The following TYW1 variants were observed in gnomAD, a reference collection of about 807,000 sequenced individuals.
TYW1 encodes the protein S-adenosyl-L-methionine-dependent tRNA 4-demethylwyosine synthase TYW1.
A neutral mutation model predicts 96.2 loss-of-function variants in TYW1; 46 were observed. The ratio of observed to expected loss-of-function variants is 0.48; its 90% CI spans 0.38 to 0.61. The LOEUF (loss-of-function observed/expected upper bound fraction) is 0.61. TYW1 is among the 20% of genes least tolerant of loss of function. The probability of loss-of-function intolerance (pLI) is 0.00; values close to 1 mark genes in which losing one functional copy is unlikely to be tolerated. For synonymous variants in TYW1, 274 were observed against 323.0 expected, an observed-to-expected ratio of 0.85 and a Z score of 1.63; for missense variants, 684 against 909.6, an observed-to-expected ratio of 0.75 and a Z score of 3.19.
At chr7:67,204,750 T>C (rs1008613207) in intron 15 of TYW1, among the ~76,000 whole-genome samples, 28 of 151,958 alleles carry the variant, frequency 1.8e-4, no homozygotes, top group Admixed American at 2.0e-4. Flanking sequence ...TGTACCACCA[T>C]GCCCAGCTAA....
At chr7:67,103,706 T>C (rs1797158568) in intron 12 of TYW1, among the ~76,000 whole-genome samples, 1 of 152,170 alleles carries the variant, frequency 6.6e-6, no homozygotes, top group Non-Finnish European at 1.5e-5. Flanking sequence ...TTCAGAAAAA[T>C]AAGGCTGTAG....
Position 67,161,195 on chromosome 7 carries a change from A to G in TYW1, c.1699-21931A>G, listed in dbSNP as rs574644987. 1.4e-3 allele frequency among the ~76,000 whole-genome samples: 213 copies of G among 152,306 alleles called. 1 individual carries two copies. The highest frequency in any genetic ancestry group is 4.9e-3 in the African/African-American group (202 of 41,572). On this transcript the variant is annotated intron_variant, in intron 13 of 15. Transcript: ENST00000359626. ...TTCTTCAAAATTGTTTTTTTCCAGA[A>G]TGGTCTTGCCTGTGCTTATCCTTTA...
intron 13 of TYW1, among the ~76,000 whole-genome samples, chr7:67,121,585 C>A (rs919254327): frequency 6.6e-6 from 1 of 151,546 alleles, no homozygotes; most frequent in African/African-American, 2.4e-5. Flanking sequence ...CAAGTGATAC[C>A]AGATTACTAT....
intron 13 of TYW1, among the ~76,000 whole-genome samples, chr7:67,181,146 T>C (rs1192789582): frequency 1.3e-5 from 2 of 152,224 alleles, no homozygotes. Flanking sequence ...GATGATCATG[T>C]GGTTTTTCTG....
chr7:67,174,862 A>G (rs1045722172), intron 13 of TYW1, among the ~76,000 whole-genome samples: 4 of 152,210 alleles, frequency 2.6e-5, no homozygotes, highest in African/African-American at 9.6e-5. Context: ...TTAAAAAGAT[A>G]GGAGGATATT....
Position 67,063,485 on chromosome 7 carries a change from G to T in TYW1, c.1156-3800G>T, listed in dbSNP as rs187947181. ...GCAAAGGCAGAAATAAAGCTGTCTT[G>T]TTTTGCAGGTGACGTGATTGTTATG... On this transcript the variant is annotated intron_variant, in intron 9 of 15. Transcript: ENST00000359626. Among the ~76,000 whole-genome samples, 734 of 152,074 alleles carry T rather than the reference G, an allele frequency of 4.8e-3. 5 individuals carry two copies. The highest frequency in any genetic ancestry group is 0.016 in the African/African-American group (677 of 41,392).
chr7:67,117,102 T>TGGTTGGCAGAGTGTGTGGGTGG (rs1238140480), intron 12 of TYW1, among the ~76,000 whole-genome samples: 1 of 152,166 alleles, frequency 6.6e-6, no homozygotes, highest in African/African-American at 2.4e-5. Context: ...AGACCCCATG[T>TGGTTGGCAGAGTGTGTGGGTGG]GGTTGGCAGA....
At chr7:67,037,086 C>A (rs1293847269) in intron 7 of TYW1, among the ~76,000 whole-genome samples, 2 of 152,174 alleles carry the variant, frequency 1.3e-5, no homozygotes, top group African/African-American at 2.4e-5. Context: ...TGTGGTAAGG[C>A]TCAGTCTTGA....
chr7:67,114,957 T>C (rs183339666), intron 12 of TYW1, among the ~76,000 whole-genome samples: 26 of 152,284 alleles, frequency 1.7e-4, no homozygotes, highest in Admixed American at 3.3e-4. Context: ...CATCTGGTAT[T>C]GACTAGAATT....
chr7:67,190,251 G>T (rs549741698), intron 14 of TYW1, among the ~76,000 whole-genome samples: 3 of 152,300 alleles, frequency 2.0e-5, no homozygotes, highest in African/African-American at 7.2e-5. Flanking sequence ...TTATCAGCTG[G>T]TTCATACCTG....
chr7:67,087,579 A>T (rs552583415), intron 11 of TYW1, among the ~76,000 whole-genome samples: 4 of 149,250 alleles, frequency 2.7e-5, no homozygotes, highest in South Asian at 4.2e-4. Context: ...TACCCTGGTA[A>T]TTCCTACAAC....
chr7:67,094,139 C>A (rs145112440), intron 11 of TYW1, among the ~76,000 whole-genome samples: 19,903 of 151,884 alleles, frequency 0.13, 1,569 homozygotes, highest in East Asian at 0.3. Context: ...ATGATGGCCT[C>A]CAGCTTCATC....
intron 3 of TYW1, among the ~76,000 whole-genome samples, chr7:67,003,771 G>GGT (rs1265569545): frequency 6.6e-6 from 1 of 152,180 alleles, no homozygotes; most frequent in African/African-American, 2.4e-5. Flanking sequence ...GGCCAGGTGT[G>GGT]GTGGCTCATG....
At chr7:67,142,285 G>T (rs1015835075) in intron 13 of TYW1, among the ~76,000 whole-genome samples, 2 of 152,024 alleles carry the variant, frequency 1.3e-5, no homozygotes, top group Non-Finnish European at 2.9e-5. Flanking sequence ...TATTTATTTT[G>T]TAGAAATGGG....
At chr7:67,063,765 A>T (rs374574240) in intron 9 of TYW1, among the ~76,000 whole-genome samples, 2 of 152,026 alleles carry the variant, frequency 1.3e-5, no homozygotes, top group Non-Finnish European at 2.9e-5. Flanking sequence ...CACCAAGCCC[A>T]GCTAATTTTT....
In TYW1 at chr7:67,012,964, C is replaced by T. The variant is rs140851544; in HGVS notation, c.376-1403C>T. On this transcript the variant is annotated intron_variant, in intron 4 of 15. Coordinates refer to ENST00000359626, the MANE Select transcript of TYW1 (RefSeq NM_018264.4). ...TTCCCATCCCAAACATTTTGGATAA[C>T]GGATACCTAGCCTGTATTTTGTATC... Among the ~76,000 whole-genome samples the T allele has an allele frequency of 3.9e-3, 589 of 151,832 alleles. 1 individual carries two copies. Among genetic ancestry groups the T allele is most frequent in the Middle Eastern group, 0.014 (4 of 292 alleles).
chr7:67,210,210 C>T (rs1205733337), intron 15 of TYW1, among the ~76,000 whole-genome samples: 2 of 152,064 alleles, frequency 1.3e-5, no homozygotes, highest in Non-Finnish European at 2.9e-5. Flanking sequence ...GAGGGGTACT[C>T]GAGGGATTTT....
chr7:67,120,046 C>T (rs1231513934), intron 13 of TYW1, among the ~76,000 whole-genome samples: 2 of 151,992 alleles, frequency 1.3e-5, no homozygotes, highest in Non-Finnish European at 2.9e-5. Context: ...AGGCATGAGC[C>T]ACTGCTCCAG....
chr7:67,121,791 A>G (rs1389845766), intron 13 of TYW1, among the ~76,000 whole-genome samples: 2 of 151,232 alleles, frequency 1.3e-5, no homozygotes, highest in Non-Finnish European at 2.9e-5. Flanking sequence ...AGAAGAAGGT[A>G]GCATATTTTG....
Sources: allele counts gnomAD v4.1 joint callset (sites outside exome capture counted in the v4.1 genomes callset), GRCh38; gene constraint gnomAD v4.1.1; transcripts MANE v1.5; gene names NCBI Gene and HGNC (gene_info 2026-07-23, HGNC 2026-07-21).